Variants in SLC12A8 observed in about 807,000 individuals in gnomAD.
SLC12A8 encodes solute carrier family 12 member 8, also known as cation-chloride cotransporter 9.
Under a neutral mutation model 75.6 loss-of-function variants are expected in SLC12A8, and 69 were observed. The ratio of observed to expected loss-of-function variants is 0.91; its 90% CI spans 0.75 to 1.11. The LOEUF (loss-of-function observed/expected upper bound fraction) is 1.11, where lower values mean the gene tolerates loss of function less well. SLC12A8 is among the 50% of genes most tolerant of loss of function. The pLI is 0.00. For synonymous variants in SLC12A8, 365 were observed against 372.8 expected (o/e 0.98, Z 0.24); for missense variants, 877 against 896.7 (o/e 0.98, Z 0.28).
At chr3:125,197,361 G>A (rs1489113506) in intron 2 of SLC12A8, among the ~76,000 whole-genome samples, 2 of 152,028 alleles carry the variant, frequency 1.3e-5, no homozygotes, top group South Asian at 2.1e-4. Context: ...GCATGATCAC[G>A]GCTCACTGCA....
At chr3:125,198,196 C>CA (rs996393395) in intron 2 of SLC12A8, among the ~76,000 whole-genome samples, 4 of 105,820 alleles carry the variant, frequency 3.8e-5, no homozygotes, top group East Asian at 3.0e-4. Flanking sequence ...CTATAAAATA[C>CA]AAAAAAACAA....
chr3:125,180,031 T>A lies in SLC12A8; in HGVS notation c.391-2057A>T, dbSNP rs547031044. On this transcript the variant is annotated intron_variant, in intron 4 of 13. Transcript: ENST00000469902. ...TCTGCATCCAAAGCTTCCAAACTGT[T>A]TTTTTTTTCCTAGCAGTAGAACAAT... Among the ~76,000 whole-genome samples the A allele has an allele frequency of 1.3e-4, 15 of 116,864 alleles. No individual in the cohort carries two copies. In the South Asian group the frequency reaches 2.9e-3, roughly 23 times the overall value. The allele number at this position is 116,864 out of a possible 152,430, so 76.7% of individuals were successfully genotyped here. A position where few individuals can be genotyped will look rare whatever the true frequency, so the allele number is the denominator to read the frequency against.
At chr3:125,186,534 C>T (rs1934786943) in intron 4 of SLC12A8, among the ~76,000 whole-genome samples, 1 of 152,254 alleles carries the variant, frequency 6.6e-6, no homozygotes, top group African/African-American at 2.4e-5. Context: ...TTTGCACTCT[C>T]ATAAAAGCCT....
chr3:125,196,474 T>C (rs1467377608), intron 2 of SLC12A8, among the ~76,000 whole-genome samples: 1 of 152,172 alleles, frequency 6.6e-6, no homozygotes, highest in African/African-American at 2.4e-5. Flanking sequence ...TTTCTCACAG[T>C]TGGAGAAGGA....
rs1026497369 is a variant in SLC12A8, at chr3:125,122,725, A to G, written c.737-2039T>C. Among the ~76,000 whole-genome samples, 6 of 152,368 alleles carry G rather than the reference A, an allele frequency of 3.9e-5. No individual in the cohort carries two copies. The South Asian group carries it at 6.2e-4, about 16-fold the overall frequency. The stretch of plus-strand genomic sequence containing the variant: ...AGGGCCCCAGCAGGGAGACAGACCT[A>G]ACCATGCGACAGCTGGGGAAATCCA... On this transcript the variant is annotated intron_variant, in intron 6 of 13. Coordinates refer to ENST00000469902, the MANE Select transcript of SLC12A8 (RefSeq NM_024628.6).
intron 5 of SLC12A8, among the ~76,000 whole-genome samples, chr3:125,164,451 C>T (rs1022033120): frequency 6.6e-6 from 1 of 152,210 alleles, no homozygotes; most frequent in Non-Finnish European, 1.5e-5. Flanking sequence ...CTTCCCAGTT[C>T]GTCACACACA....
At chr3:125,153,081 C>G (rs980764342) in intron 5 of SLC12A8, among the ~76,000 whole-genome samples, 1 of 152,198 alleles carries the variant, frequency 6.6e-6, no homozygotes, top group African/African-American at 2.4e-5. Flanking sequence ...TCTCCTGCAA[C>G]TCTCATCACA....
intron 5 of SLC12A8, among the ~76,000 whole-genome samples, chr3:125,152,592 A>AT (rs566833127): frequency 8.1e-4 from 123 of 152,222 alleles, no homozygotes; most frequent in African/African-American, 2.7e-3. Flanking sequence ...GTAAGTGCTG[A>AT]TTTTCTAGAA....
intron 10 of SLC12A8, among the ~76,000 whole-genome samples, chr3:125,097,402 A>T (rs1938743318): frequency 6.6e-6 from 1 of 151,772 alleles, no homozygotes; most frequent in Non-Finnish European, 1.5e-5. Flanking sequence ...AAAAAAAAAG[A>T]AGAAGAAACA....
intron 5 of SLC12A8, among the ~76,000 whole-genome samples, chr3:125,171,306 G>A (rs1934402031): frequency 2.3e-4 from 1 of 4,352 alleles, no homozygotes; most frequent in South Asian, 2.5e-3. Flanking sequence ...CTTTTACACT[G>A]TTGGTGGGAC....
At chr3:125,142,228 A>C (rs1933667412) in intron 5 of SLC12A8, among the ~76,000 whole-genome samples, 1 of 152,154 alleles carries the variant, frequency 6.6e-6, no homozygotes, top group African/African-American at 2.4e-5. Context: ...CTTGTCACCC[A>C]CAAGAGTTCC....
intron 10 of SLC12A8, among the ~76,000 whole-genome samples, chr3:125,095,599 G>A (rs188452131): frequency 1.1e-4 from 17 of 152,340 alleles, no homozygotes; most frequent in Admixed American, 5.2e-4. Context: ...AACAGAAGCA[G>A]TGAGTGCCAC....
chr3:125,120,293 T>A, intron 7 of SLC12A8, among the ~76,000 whole-genome samples: 1 of 129,508 alleles, frequency 7.7e-6, no homozygotes, highest in African/African-American at 2.9e-5. Flanking sequence ...AATCCCCAAG[T>A]TCAAAATGGG....
Position 125,107,827 on chromosome 3 carries a change from G to C in SLC12A8, c.1359C>G (p.Gly453=). Residue 453 remains glycine (G), a synonymous_variant, in exon 10 of 14, where the codon GGC becomes GGG. Transcript: ENST00000469902. ...SEGPAQRVLE[G]TLLEFTKDMD... ...TGTCCTTGGTGAATTCCAGTAGCGT[G>C]CCCTCCAAGACTCTTTGGGCAGGTC... 1 of 1,614,124 alleles carries C rather than the reference G, an allele frequency of 6.2e-7. No homozygotes were observed. Among genetic ancestry groups the C allele is most frequent in the Non-Finnish European group, 8.5e-7 (1 of 1,180,014 alleles).
intron 4 of SLC12A8, among the ~76,000 whole-genome samples, chr3:125,183,781 C>T (rs1040341048): frequency 1.3e-5 from 2 of 151,980 alleles, no homozygotes; most frequent in Admixed American, 1.3e-4. Flanking sequence ...ACCAAGAACC[C>T]TCAGGCCCAC....
At chr3:125,114,580 A>G (rs992828475) in intron 8 of SLC12A8, among the ~76,000 whole-genome samples, 2 of 152,000 alleles carry the variant, frequency 1.3e-5, no homozygotes, top group African/African-American at 4.8e-5. Context: ...ATGCACCACC[A>G]CGCCTGGCAT....
intron 5 of SLC12A8, among the ~76,000 whole-genome samples, chr3:125,152,614 G>C (rs531419144): frequency 6.6e-6 from 1 of 152,220 alleles, no homozygotes; most frequent in East Asian, 1.9e-4. Context: ...ACAGTTGGCA[G>C]GGGGAGAGAG....
chr3:125,206,592 T>C (rs1344048773), intron 2 of SLC12A8: 2 of 152,218 alleles, frequency 1.3e-5, no homozygotes, highest in Non-Finnish European at 2.9e-5. Context: ...AGCCATCTAA[T>C]TGAAGAGGAA....
At chr3:125,193,186 T>C (rs1184520518) in intron 2 of SLC12A8, among the ~76,000 whole-genome samples, 1 of 152,098 alleles carries the variant, frequency 6.6e-6, no homozygotes, top group Non-Finnish European at 1.5e-5. Flanking sequence ...CTCGTTAACA[T>C]GGCGAAACCC....
Sources: gnomAD v4.1 joint callset for allele counts (sites outside exome capture counted in the v4.1 genomes callset) on GRCh38, gnomAD v4.1.1 for gene constraint, MANE v1.5 for transcripts, NCBI Gene and HGNC (gene_info 2026-07-23, HGNC 2026-07-21) for gene names.